KCNQ5: variants seen among roughly 807,000 people sequenced by gnomAD.
KCNQ5 encodes potassium voltage-gated channel subfamily KQT member 5.
In KCNQ5, 30 loss-of-function variants were observed where a neutral mutation model predicts 98.2. The ratio of observed to expected loss-of-function variants is 0.31; its 90% CI spans 0.23 to 0.41. The LOEUF is 0.41. Among genes scored for constraint, KCNQ5 ranks in the 10% least tolerant of loss-of-function variants. The probability of loss-of-function intolerance (pLI) is 1.00; values close to 1 mark genes in which losing one functional copy is unlikely to be tolerated. For synonymous variants in KCNQ5, 458 were observed against 449.4 expected (o/e 1.02, Z -0.24); for missense variants, 835 against 1,182.5 (o/e 0.71, Z 4.31).
intron 5 of KCNQ5, among the ~76,000 whole-genome samples, chr6:73,081,401 G>T (rs1270852954): frequency 6.6e-6 from 1 of 152,120 alleles, no homozygotes; most frequent in Non-Finnish European, 1.5e-5. Flanking sequence ...TTAAGAATGG[G>T]TTTCCCTGGA....
chr6:72,895,178 ACTTGGGAGG>A (rs1447206251), intron 1 of KCNQ5, among the ~76,000 whole-genome samples: 3 of 150,428 alleles, frequency 2.0e-5, no homozygotes, highest in African/African-American at 7.3e-5. Context: ...AGTCCCAGCT[ACTTGGGAGG>A]CTGAGGCAGG....
intron 1 of KCNQ5, among the ~76,000 whole-genome samples, chr6:72,878,574 T>G (rs1562042085): frequency 6.6e-6 from 1 of 152,168 alleles, no homozygotes; most frequent in Non-Finnish European, 1.5e-5. Flanking sequence ...GGTACTTTTA[T>G]GGAATATAGA....
At chr6:72,812,273 G>C (rs565259793) in intron 1 of KCNQ5, among the ~76,000 whole-genome samples, 1 of 152,204 alleles carries the variant, frequency 6.6e-6, no homozygotes, top group South Asian at 2.1e-4. Context: ...AAGAATGCCT[G>C]ACCTCCTTGG....
chr6:72,843,015 C>T (rs985133521), intron 1 of KCNQ5, among the ~76,000 whole-genome samples: 1 of 152,046 alleles, frequency 6.6e-6, no homozygotes, highest in Non-Finnish European at 1.5e-5. Flanking sequence ...TATTGGCTTT[C>T]GTTGCCATTG....
chr6:73,155,435 T>C (rs915145323), intron 10 of KCNQ5, among the ~76,000 whole-genome samples: 1 of 152,178 alleles, frequency 6.6e-6, no homozygotes, highest in African/African-American at 2.4e-5. Flanking sequence ...TGAGGGTGTG[T>C]AGACGATACC....
intron 11 of KCNQ5, among the ~76,000 whole-genome samples, chr6:73,181,784 G>A (rs191483009): frequency 8.5e-5 from 13 of 152,296 alleles, no homozygotes; most frequent in East Asian, 1.9e-4. Context: ...ACTGGTTCAC[G>A]TCCTAATTCC....
At chr6:72,716,971 A>G (rs182082683) in intron 1 of KCNQ5, among the ~76,000 whole-genome samples, 40 of 152,328 alleles carry the variant, frequency 2.6e-4, no homozygotes, top group Admixed American at 2.1e-3. Context: ...GGGATGGGGA[A>G]AACAGAGCTT....
rs1017169364 is a variant in KCNQ5 at position 72,700,215 on chromosome 6, A to T, written c.398+77628A>T. ...CTCATAACTAACAAAGCTGGGATACAAATTCGGTTCTGTTTGGTTTTAGGG... is the reference window on the plus strand; with the variant it reads ...CTCATAACTAACAAAGCTGGGATACTAATTCGGTTCTGTTTGGTTTTAGGG... On this transcript the variant is annotated intron_variant, in intron 1 of 13. Coordinates refer to ENST00000370398, the MANE Select transcript of KCNQ5 (RefSeq NM_019842.4). 6.6e-5 allele frequency among the ~76,000 whole-genome samples: 10 copies of T among 152,340 alleles called. No individual in the cohort carries two copies. The East Asian group carries it at 1.7e-3, about 26-fold the overall frequency.
intron 1 of KCNQ5, among the ~76,000 whole-genome samples, chr6:72,751,009 G>A (rs1213047533): frequency 1.3e-5 from 2 of 151,478 alleles, no homozygotes; most frequent in African/African-American, 4.8e-5. Context: ...CTGGTACTGG[G>A]ATGAAAAAAA....
chr6:73,086,727 C>T (rs1774002998), intron 5 of KCNQ5, among the ~76,000 whole-genome samples: 3 of 152,048 alleles, frequency 2.0e-5, no homozygotes, highest in Admixed American at 2.0e-4. Flanking sequence ...GAATCCCTAC[C>T]CAAAGAAAAA....
chr6:73,150,031 A>G (rs1440947927), intron 10 of KCNQ5, among the ~76,000 whole-genome samples: 3 of 151,988 alleles, frequency 2.0e-5, no homozygotes, highest in Non-Finnish European at 2.9e-5. Flanking sequence ...CACCAGTTGA[A>G]TAAGAAAATA....
chr6:72,653,670 G>T (rs1264060384), intron 1 of KCNQ5, among the ~76,000 whole-genome samples: 2 of 151,918 alleles, frequency 1.3e-5, no homozygotes, highest in Non-Finnish European at 2.9e-5. Flanking sequence ...GTTAAATGTG[G>T]ATATAAAAAT....
intron 1 of KCNQ5, among the ~76,000 whole-genome samples, chr6:72,798,549 G>A (rs375518002): frequency 2.8e-4 from 42 of 152,194 alleles, no homozygotes; most frequent in African/African-American, 1.0e-3. Context: ...ACAAAACACA[G>A]GCCCCTTGGA....
chr6:73,055,628 G>A, intron 3 of KCNQ5: 1 of 1,203,524 alleles, frequency 8.3e-7, no homozygotes, highest in Middle Eastern at 2.2e-4. Flanking sequence ...GGGGAAATGG[G>A]TACTGACTGC....
chr6:73,024,504 A>C lies in KCNQ5; in HGVS notation c.490-17432A>C, dbSNP rs375613830. Among the ~76,000 whole-genome samples, 263 of 152,088 alleles carry C rather than the reference A, an allele frequency of 1.7e-3. 2 individuals are homozygous for C. The highest frequency in any genetic ancestry group is 9.6e-3 in the South Asian group (46 of 4,804). On this transcript the variant is annotated intron_variant, in intron 2 of 13. Coordinates refer to ENST00000370398, the MANE Select transcript of KCNQ5 (RefSeq NM_019842.4). Reference sequence around the variant, plus strand: ...AGAGAAGAATTAATTGCTTGGGAAAATCTCCAAGAAAAAAAAAATTCATCT... The same window carrying C: ...AGAGAAGAATTAATTGCTTGGGAAACTCTCCAAGAAAAAAAAAATTCATCT...
intron 3 of KCNQ5, among the ~76,000 whole-genome samples, chr6:73,047,440 A>G (rs1013168772): frequency 6.6e-6 from 1 of 152,218 alleles, no homozygotes; most frequent in Non-Finnish European, 1.5e-5. Context: ...AAGTAACATT[A>G]CTCGCAGGAC....
At chr6:72,703,834 T>C (rs1457313615) in intron 1 of KCNQ5, among the ~76,000 whole-genome samples, 1 of 152,228 alleles carries the variant, frequency 6.6e-6, no homozygotes, top group East Asian at 1.9e-4. Context: ...ACATTTGATA[T>C]ATTTGCTGTT....
At chr6:73,000,709 T>C (rs945989311) in intron 1 of KCNQ5, among the ~76,000 whole-genome samples, 1 of 152,162 alleles carries the variant, frequency 6.6e-6, no homozygotes, top group Non-Finnish European at 1.5e-5. Flanking sequence ...TATTCCATTC[T>C]CATTTCTACT....
intron 1 of KCNQ5, among the ~76,000 whole-genome samples, chr6:72,906,671 C>T (rs1255204541): frequency 6.6e-6 from 1 of 152,226 alleles, no homozygotes; most frequent in African/African-American, 2.4e-5. Context: ...CCTTTAGTTT[C>T]CCCAGTGGGG....
Sources: allele counts gnomAD v4.1 joint callset (sites outside exome capture counted in the v4.1 genomes callset), GRCh38; gene constraint gnomAD v4.1.1; transcripts MANE v1.5; gene names NCBI Gene and HGNC (gene_info 2026-07-23, HGNC 2026-07-21).